CASR: variants seen among roughly 807,000 people sequenced by gnomAD.
CASR encodes the protein calcium sensing receptor, also known as extracellular calcium-sensing receptor.
CASR carries 23 observed loss-of-function variants against 69.1 expected under a neutral mutation model. The observed-to-expected ratio is 0.33, with a 90% CI of 0.24 to 0.47. CASR has a LOEUF of 0.47. Ranked by LOEUF, CASR falls within the 20% of genes least tolerant of loss-of-function variation. The pLI is 1.00. For synonymous variants in CASR, 541 were observed against 544.7 expected (o/e 0.99, Z 0.10); for missense variants, 924 against 1,356.1 (o/e 0.68, Z 5.00).
intron 5 of CASR, 45 bp from the exon 6 acceptor site, chr3:122,282,068 A>G (rs569159127): frequency 6.2e-7 from 1 of 1,614,008 alleles, no homozygotes; most frequent in Admixed American, 1.7e-5. Context: ...CTGGCCCCTG[A>G]CCCTACAACT....
At chr3:122,195,608 T>C (rs2073882215) in intron 1 of CASR, among the ~76,000 whole-genome samples, 1 of 152,244 alleles carries the variant, frequency 6.6e-6, no homozygotes, top group South Asian at 2.1e-4. Flanking sequence ...TTAGGCATTA[T>C]GCTAAAGATT....
In CASR at chr3:122,254,128, A is replaced by G; in HGVS notation, c.-62A>G. 6.5e-7 allele frequency: 1 copy of G among 1,532,182 alleles called. No homozygotes were observed. The highest frequency in any genetic ancestry group is 1.7e-5 in the Admixed American group (1 of 59,926). 94.9% of individuals were successfully genotyped at this position (1,532,182 alleles called of 1,614,324 possible). A position where few individuals can be genotyped will look rare whatever the true frequency, so the allele number is the denominator to read the frequency against. On this transcript the variant is annotated 5_prime_UTR_variant, in exon 2 of 7. Transcript: ENST00000639785. ...GGGAGTGAACTGCTCCAAGGGAGAA[A>G]CTTCTGGGAGCCTCCAAACTCCTAG...
intron 1 of CASR, among the ~76,000 whole-genome samples, chr3:122,197,497 TTTTATA>T (rs1159044538): frequency 1.3e-5 from 2 of 152,216 alleles, no homozygotes; most frequent in East Asian, 1.9e-4. Flanking sequence ...AGTGTTCCCA[TTTTATA>T]TTTATAATTT....
chr3:122,262,418 T>C lies in CASR; in HGVS notation c.1377+6T>C, dbSNP rs1285429475. ...AGAAAGTTGAGGCGTGGCAGGTGCG[T>C]CCTTCACTTATATAGCAATTTGCTG... On this transcript the variant is annotated splice_donor_region_variant and intron_variant, in intron 4 of 6. Coordinates refer to ENST00000639785, the MANE Select transcript of CASR (RefSeq NM_000388.4). 2.5e-6 allele frequency: 4 copies of C among 1,609,684 alleles called. No individual in the cohort carries two copies. The highest frequency in any genetic ancestry group is 3.4e-6 in the Non-Finnish European group (4 of 1,179,828).
chr3:122,259,101 GT>G (rs2074589771), intron 3 of CASR, among the ~76,000 whole-genome samples: 1 of 152,160 alleles, frequency 6.6e-6, no homozygotes, highest in South Asian at 2.1e-4. Context: ...TTTCTGAGGG[GT>G]TTTTTGGGGG....
chr3:122,218,128 AG>A (rs1279893336), intron 1 of CASR, among the ~76,000 whole-genome samples: 1 of 151,968 alleles, frequency 6.6e-6, no homozygotes, highest in Admixed American at 6.6e-5. Context: ...AATGGATTGG[AG>A]GGGGGCCCAA....
chr3:122,283,849 G>T lies in CASR; in HGVS notation c.1895G>T (p.Gly632Val). The change falls in exon 7 of 7, where the codon GGT becomes GTT. Residue 632 changes from glycine (G) to valine (V), a missense_variant. Around this residue, in one of 8 missense-constraint regions of CASR, gnomAD observed 184 missense variants for 278.8 expected, o/e 0.66. Coordinates refer to ENST00000639785, the MANE Select transcript of CASR (RefSeq NM_000388.4). Reference protein sequence around the residue: ...LGIFLTAFVLGVFIKFRNTPI... With the variant: ...LGIFLTAFVLVVFIKFRNTPI... Reference sequence around the variant, plus strand: ...ATTTTCCTGACAGCCTTTGTGCTGGGTGTGTTTATCAAGTTCCGCAACACA... The same window carrying T: ...ATTTTCCTGACAGCCTTTGTGCTGGTTGTGTTTATCAAGTTCCGCAACACA... 6.2e-7 allele frequency: 1 copy of T among 1,613,976 alleles called. No individual in the cohort carries two copies. Among genetic ancestry groups the T allele is most frequent in the Non-Finnish European group, 8.5e-7 (1 of 1,180,016 alleles).
At chr3:122,195,560 G>A (rs2073881724) in intron 1 of CASR, among the ~76,000 whole-genome samples, 1 of 152,122 alleles carries the variant, frequency 6.6e-6, no homozygotes, top group South Asian at 2.1e-4. Context: ...ATTATCCCGA[G>A]GAATATCATT....
intron 1 of CASR, among the ~76,000 whole-genome samples, chr3:122,184,816 C>G (rs559287698): frequency 6.6e-6 from 1 of 152,254 alleles, no homozygotes; most frequent in African/African-American, 2.4e-5. Context: ...TTGGTAGTTT[C>G]TTGTGCCTCT....
At chr3:122,223,661 G>A (rs2074194825) in intron 1 of CASR, among the ~76,000 whole-genome samples, 1 of 152,060 alleles carries the variant, frequency 6.6e-6, no homozygotes, top group African/African-American at 2.4e-5. Context: ...AAAAATTGAG[G>A]AGGAGGAGAT....
chr3:122,218,923 A>G (rs2074144491), intron 1 of CASR, among the ~76,000 whole-genome samples: 1 of 152,222 alleles, frequency 6.6e-6, no homozygotes, highest in Non-Finnish European at 1.5e-5. Flanking sequence ...ATTTAAGGTA[A>G]GACCTAAAGG....
intron 1 of CASR, among the ~76,000 whole-genome samples, chr3:122,194,637 A>G (rs1253293158): frequency 6.6e-6 from 1 of 152,212 alleles, no homozygotes; most frequent in Non-Finnish European, 1.5e-5. Flanking sequence ...TTTCTCATCA[A>G]TGTTATGAGA....
intron 1 of CASR, among the ~76,000 whole-genome samples, chr3:122,202,709 G>T (rs954817567): frequency 5.3e-5 from 8 of 151,792 alleles, no homozygotes; most frequent in Admixed American, 5.2e-4. Context: ...ACCTTTTGTG[G>T]TTTTTTTGCT....
chr3:122,281,185 G>A (rs1468519355), intron 5 of CASR, among the ~76,000 whole-genome samples: 1 of 152,188 alleles, frequency 6.6e-6, no homozygotes, highest in Non-Finnish European at 1.5e-5. Flanking sequence ...TATTTGTTTT[G>A]TTTTGTTTTG....
intron 1 of CASR, among the ~76,000 whole-genome samples, chr3:122,243,451 T>C (rs897126265): frequency 6.6e-6 from 1 of 152,084 alleles, no homozygotes; most frequent in South Asian, 2.1e-4. Flanking sequence ...ATCAAAGTAA[T>C]GCAAATCAAA....
intron 1 of CASR, among the ~76,000 whole-genome samples, chr3:122,252,409 A>AGGTAGG (rs1553765626): frequency 1.2e-3 from 8 of 6,466 alleles, no homozygotes; most frequent in South Asian, 3.7e-3. Context: ...GAAGGAAGGA[A>AGGTAGG]AAAGAAAGAA....
intron 1 of CASR, among the ~76,000 whole-genome samples, chr3:122,207,214 C>T (rs915780423): frequency 5.9e-5 from 9 of 151,794 alleles, no homozygotes; most frequent in Non-Finnish European, 1.2e-4. Flanking sequence ...TGCAAAGTCC[C>T]CTACAACAAG....
chr3:122,252,523 AGGC>A (rs1317073636), intron 1 of CASR, among the ~76,000 whole-genome samples: 2 of 128,152 alleles, frequency 1.6e-5, no homozygotes, highest in East Asian at 4.9e-4. Context: ...GAAAGAAAGA[AGGC>A]GGGGAGGGGA....
chr3:122,290,314 C>A lies in CASR; in HGVS notation c.*5123C>A, dbSNP rs1476720773. 1.3e-5 allele frequency: 2 copies of A among 151,988 alleles called. No individual in the cohort carries two copies. Among genetic ancestry groups the A allele is most frequent in the South Asian group, 2.1e-4 (1 of 4,818 alleles). 9.4% of individuals were successfully genotyped at this position (151,988 alleles called of 1,614,324 possible). ...AAGAGATCAAAGCCCAAGAATAAAC[C>A]CTGGGGTCATTACAGGATTTCCTGT... On this transcript the variant is annotated 3_prime_UTR_variant, in exon 7 of 7. Transcript: ENST00000639785.
Sources: allele counts gnomAD v4.1 joint callset (sites outside exome capture counted in the v4.1 genomes callset), GRCh38; gene constraint gnomAD v4.1.1; regional missense constraint gnomAD v4.1.1; transcripts MANE v1.5; gene names NCBI Gene and HGNC (gene_info 2026-07-23, HGNC 2026-07-21).